RAB3GAP2: variants seen among roughly 807,000 people sequenced by gnomAD.
RAB3GAP2 encodes the protein RAB3 GTPase activating non-catalytic protein subunit 2, also known as rab3 GTPase-activating protein non-catalytic subunit.
In RAB3GAP2, 87 loss-of-function variants were observed where a neutral mutation model predicts 185.3. The observed-to-expected ratio is 0.47, with a 90% CI of 0.39 to 0.56. The LOEUF (loss-of-function observed/expected upper bound fraction) is 0.56. Among genes scored for constraint, RAB3GAP2 ranks in the 20% least tolerant of loss-of-function variants. The probability of loss-of-function intolerance (pLI) is 0.00; values close to 1 mark genes in which losing one functional copy is unlikely to be tolerated. For missense variants in RAB3GAP2, 1,492 were observed against 1,638.2 expected (o/e 0.91, Z 1.54); for synonymous variants, 554 against 576.1 (o/e 0.96, Z 0.55).
intron 19 of RAB3GAP2, 23 bp from the exon 20 acceptor site, chr1:220,182,954 AAAC>A: frequency 6.4e-7 from 1 of 1,570,872 alleles, no homozygotes. Context: ...AAACAAAACA[AAAC>A]AACATTCCAC....
chr1:220,267,552 T>A, intron 1 of RAB3GAP2: 1 of 1,384,336 alleles, frequency 7.2e-7, no homozygotes, highest in Non-Finnish European at 1.0e-6. Context: ...TCTTTTTGAT[T>A]CTTCATTTTT....
At chr1:220,196,148 A>G (rs1180111231) in intron 10 of RAB3GAP2, 102 bp downstream of exon 10, 10 of 1,291,850 alleles carry the variant, frequency 7.7e-6, no homozygotes, top group Non-Finnish European at 3.3e-6. Context: ...AGAAATGTAA[A>G]CTGCTTAATC....
At chr1:220,190,917 A>G (rs1283277777) in intron 14 of RAB3GAP2, 151 bp downstream of exon 14, 8 of 767,164 alleles carry the variant, frequency 1.0e-5, no homozygotes, top group African/African-American at 7.0e-5. Flanking sequence ...ACTTAAGTAC[A>G]TGCCAGGCAC....
chr1:220,215,119 C>G (rs1335510425), intron 2 of RAB3GAP2, among the ~76,000 whole-genome samples: 2 of 151,772 alleles, frequency 1.3e-5, no homozygotes, highest in Middle Eastern at 6.8e-3. Flanking sequence ...TCCCGATATG[C>G]GTGGACATTT....
At chr1:220,244,634 C>T (rs867761928) in intron 1 of RAB3GAP2, among the ~76,000 whole-genome samples, 4 of 152,144 alleles carry the variant, frequency 2.6e-5, no homozygotes, top group African/African-American at 4.8e-5. Flanking sequence ...CTGGAGGTAT[C>T]GCATTACAGG....
chr1:220,264,835 T>C (rs2102535520), intron 1 of RAB3GAP2, among the ~76,000 whole-genome samples: 1 of 152,240 alleles, frequency 6.6e-6, no homozygotes, highest in Non-Finnish European at 1.5e-5. Context: ...CTTCATTCTC[T>C]CCCATCATGT....
At chr1:220,214,048 T>C in intron 2 of RAB3GAP2, 69 bp from the exon 3 acceptor site, 1 of 1,480,616 alleles carries the variant, frequency 6.8e-7, no homozygotes, top group Non-Finnish European at 9.4e-7. Flanking sequence ...CTTGCCTGTC[T>C]CAAGGGGTGA....
chr1:220,157,216 T>A, intron 31 of RAB3GAP2, 54 bp downstream of exon 31: 2 of 1,439,086 alleles, frequency 1.4e-6, no homozygotes, highest in East Asian at 2.3e-5. Context: ...AAAATCCATG[T>A]GTCTGCTAAG....
intron 29 of RAB3GAP2, 62 bp from the exon 30 acceptor site, chr1:220,157,938 C>T: frequency 7.9e-7 from 1 of 1,270,820 alleles, no homozygotes; most frequent in Non-Finnish European, 1.1e-6. Flanking sequence ...TACTGTCAGC[C>T]AAACAAGAAC....
Position 220,210,847 on chromosome 1 carries a change from C to T in RAB3GAP2, c.464G>A (p.Cys155Tyr). 1 of 1,613,800 alleles carries T rather than the reference C, an allele frequency of 6.2e-7. No individual in the cohort carries two copies. Among genetic ancestry groups the T allele is most frequent in the Non-Finnish European group, 8.5e-7 (1 of 1,179,860 alleles). The change falls in exon 6 of 35, where the codon TGC becomes TAC. Residue 155 changes from cysteine to tyrosine, a missense_variant. Transcript: ENST00000358951. ...ACCTGAAGTAAAACCCACCACAATG[C>T]AGGTCCAGTCAGGACGCCCAGTGGA... The part of the protein sequence containing the change: ...RSSTGRPDWT[C>Y]IVVGFTSGYV...
intron 27 of RAB3GAP2, among the ~76,000 whole-genome samples, chr1:220,163,283 G>A (rs1428635327): frequency 1.3e-5 from 2 of 152,106 alleles, no homozygotes; most frequent in African/African-American, 4.8e-5. Context: ...TGAGAAGCCA[G>A]GAACCCTACT....
intron 1 of RAB3GAP2, among the ~76,000 whole-genome samples, chr1:220,258,870 T>G (rs1483367875): frequency 6.6e-6 from 1 of 152,170 alleles, no homozygotes; most frequent in African/African-American, 2.4e-5. Context: ...CTTAAGCTGA[T>G]AAGCAACTTC....
At chr1:220,266,526 T>C in intron 1 of RAB3GAP2, 1 of 639,118 alleles carries the variant, frequency 1.6e-6, no homozygotes, top group African/African-American at 1.8e-5. Flanking sequence ...AGTGTCATGT[T>C]TATTGATGTG....
intron 1 of RAB3GAP2, among the ~76,000 whole-genome samples, chr1:220,242,365 GA>G (rs1659711454): frequency 6.6e-6 from 1 of 151,834 alleles, no homozygotes; most frequent in Non-Finnish European, 1.5e-5. Flanking sequence ...GGGGATATAA[GA>G]AATATATTAC....
At chr1:220,224,803 T>C (rs1469496383) in intron 2 of RAB3GAP2, among the ~76,000 whole-genome samples, 2 of 152,144 alleles carry the variant, frequency 1.3e-5, no homozygotes, top group African/African-American at 4.8e-5. Flanking sequence ...ACTCCTAAAC[T>C]GATGGAGAAG....
At chr1:220,228,399 A>G (rs1659441597) in intron 2 of RAB3GAP2, among the ~76,000 whole-genome samples, 1 of 152,194 alleles carries the variant, frequency 6.6e-6, no homozygotes, top group South Asian at 2.1e-4. Flanking sequence ...GTAGATTTCT[A>G]ATAGTCCTGG....
intron 2 of RAB3GAP2, among the ~76,000 whole-genome samples, chr1:220,231,054 C>G (rs957626643): frequency 2.0e-5 from 3 of 152,204 alleles, no homozygotes; most frequent in Non-Finnish European, 2.9e-5. Flanking sequence ...CTACTTCAAC[C>G]TATTCCATAG....
At chr1:220,222,103 T>C (rs961655067) in intron 2 of RAB3GAP2, among the ~76,000 whole-genome samples, 2 of 152,188 alleles carry the variant, frequency 1.3e-5, no homozygotes, top group African/African-American at 4.8e-5. Flanking sequence ...GCCTAAGCCA[T>C]AGAAATAAAA....
chr1:220,216,202 G>A (rs1659198840), intron 2 of RAB3GAP2, among the ~76,000 whole-genome samples: 1 of 152,088 alleles, frequency 6.6e-6, no homozygotes, highest in Non-Finnish European at 1.5e-5. Context: ...AGCAAAATAA[G>A]CTAAGGAGGC....
Sources: allele counts gnomAD v4.1 joint callset (sites outside exome capture counted in the v4.1 genomes callset), GRCh38; gene constraint gnomAD v4.1.1; transcripts MANE v1.5; gene names NCBI Gene and HGNC (gene_info 2026-07-23, HGNC 2026-07-21).